Variants in PEBP4 observed in about 807,000 individuals in gnomAD.
PEBP4 encodes phosphatidylethanolamine binding protein 4, also known as phosphatidylethanolamine-binding protein 4.
Under a neutral mutation model 23.9 loss-of-function variants are expected in PEBP4, and 22 were observed. The ratio of observed to expected loss-of-function variants is 0.92; its 90% confidence interval spans 0.66 to 1.31. The LOEUF (loss-of-function observed/expected upper bound fraction) is 1.31. Ranked by LOEUF, PEBP4 falls within the 40% of genes most tolerant of loss-of-function variation. The pLI, the probability that PEBP4 is intolerant of heterozygous loss-of-function variation, is 0.00. For missense variants in PEBP4, 324 were observed against 281.7 expected (o/e 1.15, Z -1.07); for synonymous variants, 112 against 99.3 (o/e 1.13, Z -0.76).
At chr8:22,718,196 C>T (rs747162328) in intron 6 of PEBP4, among the ~76,000 whole-genome samples, 5 of 152,088 alleles carry the variant, frequency 3.3e-5, no homozygotes, top group Non-Finnish European at 5.9e-5. Flanking sequence ...CCTGCGTCTC[C>T]TCTGGAGAGA....
At chr8:22,923,180 C>T (rs1809248410) in intron 2 of PEBP4, among the ~76,000 whole-genome samples, 1 of 152,142 alleles carries the variant, frequency 6.6e-6, no homozygotes, top group South Asian at 2.1e-4. Flanking sequence ...GCACTTTCTT[C>T]CCCGCACCAC....
chr8:22,791,844 C>T (rs747956664), intron 4 of PEBP4, among the ~76,000 whole-genome samples: 3 of 148,780 alleles, frequency 2.0e-5, no homozygotes, highest in Non-Finnish European at 4.5e-5. Context: ...AGGGGGCTAA[C>T]ATTTAAAAGC....
intron 3 of PEBP4, among the ~76,000 whole-genome samples, chr8:22,843,363 C>T (rs1381544998): frequency 6.6e-6 from 1 of 152,144 alleles, no homozygotes; most frequent in East Asian, 1.9e-4. Flanking sequence ...CAGAGAAGGG[C>T]CAAGGAAGAA....
chr8:22,830,113 T>TTTTGTG (rs1807051915), intron 3 of PEBP4, among the ~76,000 whole-genome samples: 1 of 144,252 alleles, frequency 6.9e-6, no homozygotes, highest in African/African-American at 2.6e-5. Flanking sequence ...GGCTGTGGTT[T>TTTTGTG]TGTGTGTGTG....
intron 4 of PEBP4, among the ~76,000 whole-genome samples, chr8:22,799,864 A>G (rs1270669830): frequency 6.6e-6 from 1 of 152,234 alleles, no homozygotes; most frequent in Non-Finnish European, 1.5e-5. Context: ...GTATATACTG[A>G]AAGGATTATA....
At chr8:22,788,349 A>G (rs1227665119) in intron 4 of PEBP4, among the ~76,000 whole-genome samples, 3 of 152,112 alleles carry the variant, frequency 2.0e-5, no homozygotes, top group African/African-American at 7.2e-5. Context: ...AGAAGAGAAG[A>G]GGGAGAAATG....
intron 4 of PEBP4, among the ~76,000 whole-genome samples, chr8:22,806,768 C>CAA (rs1339652241): frequency 6.6e-6 from 1 of 152,198 alleles, no homozygotes; most frequent in African/African-American, 2.4e-5. Flanking sequence ...CCACCTACCA[C>CAA]AACAGTCATT....
At chr8:22,740,967 C>T (rs1294024138) in intron 4 of PEBP4, among the ~76,000 whole-genome samples, 1 of 152,202 alleles carries the variant, frequency 6.6e-6, no homozygotes, top group African/African-American at 2.4e-5. Flanking sequence ...GCTCCCCCCA[C>T]CTACCCTACG....
intron 4 of PEBP4, among the ~76,000 whole-genome samples, chr8:22,779,649 C>G (rs1330843500): frequency 2.0e-5 from 3 of 152,180 alleles, no homozygotes; most frequent in Non-Finnish European, 4.4e-5. Flanking sequence ...TGGGAATGTT[C>G]ATTCATTTGG....
chr8:22,838,990 G>T (rs1405191945), intron 3 of PEBP4, among the ~76,000 whole-genome samples: 1 of 152,202 alleles, frequency 6.6e-6, no homozygotes, highest in African/African-American at 2.4e-5. Flanking sequence ...AATTGCAGTT[G>T]TACAGACCAT....
intron 6 of PEBP4, among the ~76,000 whole-genome samples, chr8:22,715,923 G>A (rs1392669652): frequency 6.6e-6 from 1 of 152,184 alleles, no homozygotes; most frequent in Admixed American, 6.5e-5. Flanking sequence ...TCAGAGGAAA[G>A]CCCCTTCCTG....
chr8:22,909,467 C>T (rs567098315), intron 3 of PEBP4, among the ~76,000 whole-genome samples: 115 of 152,294 alleles, frequency 7.6e-4, no homozygotes, highest in African/African-American at 2.7e-3. Context: ...GTAATTTCCT[C>T]GGCTGAATCA....
chr8:22,804,954 G>T (rs1040220707), intron 4 of PEBP4, among the ~76,000 whole-genome samples: 1 of 152,092 alleles, frequency 6.6e-6, no homozygotes, highest in Non-Finnish European at 1.5e-5. Flanking sequence ...GTTGCCTGGT[G>T]AATTCCCACT....
At chr8:22,911,919 T>C (rs1025279070) in intron 3 of PEBP4, among the ~76,000 whole-genome samples, 3 of 152,206 alleles carry the variant, frequency 2.0e-5, no homozygotes, top group Non-Finnish European at 4.4e-5. Context: ...GGAACCTGTT[T>C]CCCCAGCACT....
chr8:22,828,396 T>C lies in PEBP4; in HGVS notation c.259-10661A>G, dbSNP rs550737235. Among the ~76,000 whole-genome samples, 4 of 152,258 alleles carry C rather than the reference T, an allele frequency of 2.6e-5. No homozygotes were observed. The East Asian group carries it at 7.7e-4, about 29-fold the overall frequency. ...CTTTTCTTCTTTGTCTCTGAGACAG[T>C]CCTATTTTCCTCCTCTATCTCTAAA... On this transcript the variant is annotated intron_variant, in intron 3 of 6. Transcript: ENST00000256404.
chr8:22,812,417 G>A (rs551522896), intron 4 of PEBP4, among the ~76,000 whole-genome samples: 1 of 152,186 alleles, frequency 6.6e-6, no homozygotes, highest in East Asian at 1.9e-4. Flanking sequence ...CCACATACAA[G>A]TCTGGTTAAT....
At chr8:22,759,543 G>A (rs1247347741) in intron 4 of PEBP4, among the ~76,000 whole-genome samples, 1 of 152,074 alleles carries the variant, frequency 6.6e-6, no homozygotes, top group African/African-American at 2.4e-5. Context: ...TCAGGGCTGC[G>A]GGGCTGCAGC....
chr8:22,898,378 G>T, intron 3 of PEBP4, among the ~76,000 whole-genome samples: 1 of 110,982 alleles, frequency 9.0e-6, no homozygotes, highest in Non-Finnish European at 1.7e-5. Flanking sequence ...AGCGACAGAG[G>T]AAGACTCCAC....
chr8:22,805,158 A>T, intron 4 of PEBP4, among the ~76,000 whole-genome samples: 1 of 152,068 alleles, frequency 6.6e-6, no homozygotes, highest in East Asian at 1.9e-4. Flanking sequence ...AGCACGGAGG[A>T]CTTTTAGGGC....
Sources: allele counts gnomAD v4.1 joint callset (sites outside exome capture counted in the v4.1 genomes callset), GRCh38; gene constraint gnomAD v4.1.1; transcripts MANE v1.5; gene names NCBI Gene and HGNC (gene_info 2026-07-23, HGNC 2026-07-21).